The following TYW1B variants were observed in gnomAD, a reference collection of about 807,000 sequenced individuals.
TYW1B encodes S-adenosyl-L-methionine-dependent tRNA 4-demethylwyosine synthase TYW1B.
In TYW1B, 73 loss-of-function variants were observed where a neutral mutation model predicts 86.9. The ratio of observed to expected loss-of-function variants is 0.84; its 90% CI spans 0.70 to 1.02. TYW1B has a LOEUF of 1.02. Ranked by LOEUF, TYW1B falls within the 50% of genes least tolerant of loss-of-function variation. The pLI is 0.00. For missense variants in TYW1B, 637 were observed against 827.4 expected (o/e 0.77, Z 2.82); for synonymous variants, 248 against 292.8 (o/e 0.85, Z 1.56).
chr7:72,750,679 T>C (rs1343439764), intron 7 of TYW1B, among the ~76,000 whole-genome samples: 2 of 152,170 alleles, frequency 1.3e-5, no homozygotes, highest in African/African-American at 4.8e-5. Flanking sequence ...AATTTCACTC[T>C]CCTTCTGCAA....
chr7:72,820,136 G>T (rs1337383302), intron 2 of TYW1B, among the ~76,000 whole-genome samples: 1 of 152,078 alleles, frequency 6.6e-6, no homozygotes, highest in East Asian at 1.9e-4. Context: ...TTAGCCAGGT[G>T]TGGTGGCGCA....
Position 72,744,416 on chromosome 7 carries a change from G to A in TYW1B, c.1082+68C>T, listed in dbSNP as rs538266643. ...AGAGCTCTTGGGTAAGTCTGAGTGT[G>A]AGCTGGGCAGATTGATTACCACAGC... On this transcript the variant is annotated intron_variant, in intron 8 of 13. Transcript: ENST00000620995. 123 of 1,450,856 alleles carry A rather than the reference G, an allele frequency of 8.5e-5. No homozygotes were observed. The East Asian group carries it at 2.0e-3, about 23-fold the overall frequency. 89.9% of individuals were successfully genotyped at this position (1,450,856 alleles called of 1,614,324 possible).
At chr7:72,616,382 G>A (rs1812071554) in intron 13 of TYW1B, among the ~76,000 whole-genome samples, 1 of 152,190 alleles carries the variant, frequency 6.6e-6, no homozygotes. Context: ...AGGACTAGAG[G>A]TTATTACAAG....
chr7:72,816,736 A>G (rs1248485188), intron 2 of TYW1B, among the ~76,000 whole-genome samples: 1 of 152,206 alleles, frequency 6.6e-6, no homozygotes, highest in Non-Finnish European at 1.5e-5. Flanking sequence ...GATTTAATCA[A>G]TAGTGCCTAT....
At chr7:72,613,401 C>CTTTTTTTTTTTTTT (rs71517349) in intron 13 of TYW1B, among the ~76,000 whole-genome samples, 4 of 80,966 alleles carry the variant, frequency 4.9e-5, no homozygotes, top group African/African-American at 1.6e-4. Context: ...TTTATATCTT[C>CTTTTTTTTTTTTTT]TTTTTTTTTT....
chr7:72,823,654 A>T (rs1205895634), intron 2 of TYW1B, among the ~76,000 whole-genome samples: 37 of 151,906 alleles, frequency 2.4e-4, no homozygotes, highest in Non-Finnish European at 5.1e-4. Flanking sequence ...ATGAAATAAA[A>T]TAAAATAAAT....
intron 5 of TYW1B, among the ~76,000 whole-genome samples, chr7:72,804,565 C>T (rs782325518): frequency 7.9e-5 from 12 of 152,148 alleles, no homozygotes; most frequent in Non-Finnish European, 1.0e-4. Flanking sequence ...AAGCTGGGTG[C>T]AGTGGCTCAC....
At chr7:72,653,844 G>A (rs1401652896) in intron 11 of TYW1B, among the ~76,000 whole-genome samples, 27 of 152,156 alleles carry the variant, frequency 1.8e-4, no homozygotes, top group South Asian at 2.1e-4. Context: ...CACTTTGGGA[G>A]GCCGAAGCGG....
intron 13 of TYW1B, among the ~76,000 whole-genome samples, chr7:72,615,590 C>T (rs1812052917): frequency 6.6e-6 from 1 of 152,196 alleles, no homozygotes; most frequent in East Asian, 1.9e-4. Context: ...TGAATGAGAA[C>T]CTGCAGAAAT....
At chr7:72,812,114 G>GTTC (rs1788632574) in intron 3 of TYW1B, among the ~76,000 whole-genome samples, 1 of 147,384 alleles carries the variant, frequency 6.8e-6, no homozygotes, top group Non-Finnish European at 1.5e-5. Flanking sequence ...TGTTTGGGAT[G>GTTC]GGAAGTGTTT....
At chr7:72,801,833 A>C (rs1554475647) in intron 6 of TYW1B, among the ~76,000 whole-genome samples, 1 of 151,930 alleles carries the variant, frequency 6.6e-6, no homozygotes, top group African/African-American at 2.4e-5. Flanking sequence ...AAGCCCCAAC[A>C]CCACTTAGTC....
intron 13 of TYW1B, among the ~76,000 whole-genome samples, chr7:72,576,880 A>G (rs1318438494): frequency 5.3e-5 from 8 of 151,636 alleles, no homozygotes; most frequent in African/African-American, 1.9e-4. Flanking sequence ...TCATCCCAGC[A>G]CTTTCAAAGG....
chr7:72,800,781 G>A (rs1220181090), intron 6 of TYW1B, among the ~76,000 whole-genome samples: 1 of 150,466 alleles, frequency 6.6e-6, no homozygotes, highest in Admixed American at 6.7e-5. Context: ...TTTCACCAGG[G>A]TTTTCATAAC....
At chr7:72,657,916 T>C (rs1438281386) in intron 11 of TYW1B, among the ~76,000 whole-genome samples, 1 of 152,216 alleles carries the variant, frequency 6.6e-6, no homozygotes, top group East Asian at 1.9e-4. Flanking sequence ...AATAAAAGTA[T>C]GCTCAACTGT....
chr7:72,629,768 G>A (rs1409467318), intron 11 of TYW1B, among the ~76,000 whole-genome samples: 3 of 151,854 alleles, frequency 2.0e-5, no homozygotes, highest in Admixed American at 6.6e-5. Flanking sequence ...GGCTGGTCTC[G>A]AACTCTCGGC....
chr7:72,824,755 T>A (rs190890923), intron 2 of TYW1B, among the ~76,000 whole-genome samples: 121 of 151,418 alleles, frequency 8.0e-4, no homozygotes, highest in African/African-American at 2.6e-3. Context: ...ATAAAATAAA[T>A]TTTTTTTAAA....
intron 9 of TYW1B, among the ~76,000 whole-genome samples, chr7:72,716,405 T>C (rs1554456043): frequency 6.6e-6 from 1 of 152,242 alleles, no homozygotes; most frequent in African/African-American, 2.4e-5. Flanking sequence ...TCCTAGTTTA[T>C]GAAACTGATT....
intron 13 of TYW1B, among the ~76,000 whole-genome samples, chr7:72,607,393 C>CAAAAAAAAAAAAAAA (rs57281644): frequency 9.2e-5 from 7 of 76,188 alleles, no homozygotes; most frequent in East Asian, 8.3e-4. Flanking sequence ...TTCTGTCTCT[C>CAAAAAAAAAAAAAAA]AAAAAAAAAA....
At chr7:72,736,315 C>T (rs369089655) in intron 8 of TYW1B, among the ~76,000 whole-genome samples, 9 of 152,196 alleles carry the variant, frequency 5.9e-5, no homozygotes, top group Non-Finnish European at 1.0e-4. Context: ...GAATAGGCTA[C>T]GACCTAATGC....
Sources: allele counts gnomAD v4.1 joint callset (sites outside exome capture counted in the v4.1 genomes callset), GRCh38; gene constraint gnomAD v4.1.1; transcripts MANE v1.5; gene names NCBI Gene and HGNC (gene_info 2026-07-23, HGNC 2026-07-21).